MAN2A1: variants seen among roughly 807,000 people sequenced by gnomAD.
The protein encoded by MAN2A1 is alpha-mannosidase 2.
Under a neutral mutation model 142.6 loss-of-function variants are expected in MAN2A1, and 76 were observed. That is an observed-to-expected ratio of 0.53 (90% CI 0.44 to 0.65). The LOEUF (loss-of-function observed/expected upper bound fraction) is 0.65, where lower values mean the gene tolerates loss of function less well. Among genes scored for constraint, MAN2A1 ranks in the 30% least tolerant of loss-of-function variants. The pLI, the probability that MAN2A1 is intolerant of heterozygous loss-of-function variation, is 0.00. For synonymous variants in MAN2A1, 559 were observed against 473.2 expected (o/e 1.18, Z -2.35); for missense variants, 1,311 against 1,365.1 (o/e 0.96, Z 0.62).
At chr5:109,727,431 T>G (rs1751776619) in intron 3 of MAN2A1, among the ~76,000 whole-genome samples, 1 of 152,170 alleles carries the variant, frequency 6.6e-6, no homozygotes, top group Non-Finnish European at 1.5e-5. Context: ...TGACCTCATT[T>G]TACCTTAATT....
At chr5:109,735,655 G>C (rs1329372797) in intron 4 of MAN2A1, among the ~76,000 whole-genome samples, 1 of 152,084 alleles carries the variant, frequency 6.6e-6, no homozygotes, top group Non-Finnish European at 1.5e-5. Context: ...GACCGGAGCT[G>C]TTCCTATTTG....
At chr5:109,836,891 A>G (rs1755070678) in intron 16 of MAN2A1, among the ~76,000 whole-genome samples, 1 of 152,056 alleles carries the variant, frequency 6.6e-6, no homozygotes, top group Non-Finnish European at 1.5e-5. Flanking sequence ...AGAAAAGTAT[A>G]GTATTGTGTT....
intron 20 of MAN2A1, among the ~76,000 whole-genome samples, chr5:109,858,212 A>G (rs1413509400): frequency 6.6e-6 from 1 of 152,218 alleles, no homozygotes; most frequent in South Asian, 2.1e-4. Context: ...TTATCATATC[A>G]GTTGGTGCCA....
At chr5:109,766,496 C>T (rs1361936765) in intron 5 of MAN2A1, among the ~76,000 whole-genome samples, 1 of 152,128 alleles carries the variant, frequency 6.6e-6, no homozygotes, top group Non-Finnish European at 1.5e-5. Flanking sequence ...TTGTCCTTTA[C>T]TGGCTCCCCA....
intron 9 of MAN2A1, among the ~76,000 whole-genome samples, chr5:109,781,971 A>G (rs1448887430): frequency 2.0e-5 from 3 of 152,174 alleles, no homozygotes; most frequent in South Asian, 2.1e-4. Flanking sequence ...CATTGGAAAC[A>G]TAGGTGAGCA....
intron 10 of MAN2A1, among the ~76,000 whole-genome samples, chr5:109,786,736 C>G (rs943846979): frequency 6.6e-6 from 1 of 152,028 alleles, no homozygotes; most frequent in African/African-American, 2.4e-5. Context: ...TTCTCTTGAA[C>G]TTGGACTGAT....
chr5:109,798,058 TAAA>T (rs1470418997), intron 12 of MAN2A1, among the ~76,000 whole-genome samples: 1 of 151,940 alleles, frequency 6.6e-6, no homozygotes, highest in African/African-American at 2.4e-5. Context: ...AATGAAGAAT[TAAA>T]AAGGCATTGG....
intron 4 of MAN2A1, among the ~76,000 whole-genome samples, chr5:109,734,844 T>G (rs1317795334): frequency 6.6e-6 from 1 of 152,196 alleles, no homozygotes; most frequent in Non-Finnish European, 1.5e-5. Context: ...AAATGTATAT[T>G]CTGTTGATTT....
chr5:109,855,065 C>A, intron 19 of MAN2A1, 75 bp from the exon 20 acceptor site: 2 of 677,622 alleles, frequency 3.0e-6, no homozygotes, highest in Admixed American at 3.5e-5. Context: ...ATATTAAACC[C>A]TCTCAGATAA....
intron 15 of MAN2A1, among the ~76,000 whole-genome samples, chr5:109,821,845 TTTG>T (rs1483548060): frequency 6.6e-6 from 1 of 152,072 alleles, no homozygotes; most frequent in African/African-American, 2.4e-5. Context: ...TGTCATTTAG[TTTG>T]TTAATTATTT....
At chr5:109,852,553 TGGAA>T (rs1755511159) in intron 19 of MAN2A1, among the ~76,000 whole-genome samples, 1 of 152,152 alleles carries the variant, frequency 6.6e-6, no homozygotes, top group Non-Finnish European at 1.5e-5. Context: ...GACTAAGGGC[TGGAA>T]CCCAGTGAGG....
chr5:109,702,440 G>A (rs1011883821), intron 1 of MAN2A1, among the ~76,000 whole-genome samples: 1 of 151,874 alleles, frequency 6.6e-6, no homozygotes, highest in African/African-American at 2.4e-5. Context: ...CCAAATAGGG[G>A]GCTGAAGTTT....
intron 4 of MAN2A1, among the ~76,000 whole-genome samples, chr5:109,752,769 A>G (rs886285994): frequency 6.6e-6 from 1 of 152,216 alleles, no homozygotes; most frequent in East Asian, 1.9e-4. Flanking sequence ...CCTCAAAATT[A>G]ATAGACAGAA....
intron 16 of MAN2A1, among the ~76,000 whole-genome samples, chr5:109,838,607 C>G (rs764120712): frequency 6.6e-6 from 1 of 152,166 alleles, no homozygotes; most frequent in Non-Finnish European, 1.5e-5. Flanking sequence ...TCCTTTCACT[C>G]TTTCACATAT....
rs142572330 is a variant in MAN2A1 at position 109,792,822 on chromosome 5, G to A, written c.1943+3295G>A. Among the ~76,000 whole-genome samples, 337 of 152,102 alleles carry A rather than the reference G, an allele frequency of 2.2e-3. 3 individuals carry two copies. Among genetic ancestry groups the A allele is most frequent in the African/African-American group, 7.6e-3 (314 of 41,494 alleles). ...GTTCAGTTGGAGCTGTTAGCTGCCAGTACTTACACATGGCCTCTCCATATG... is the reference window on the plus strand; with the variant it reads ...GTTCAGTTGGAGCTGTTAGCTGCCAATACTTACACATGGCCTCTCCATATG... On this transcript the variant is annotated intron_variant, in intron 12 of 21. Coordinates refer to ENST00000261483, the MANE Select transcript of MAN2A1 (RefSeq NM_002372.4).
chr5:109,762,928 A>C (rs555082349), intron 5 of MAN2A1, among the ~76,000 whole-genome samples: 12 of 152,232 alleles, frequency 7.9e-5, no homozygotes, highest in Non-Finnish European at 1.3e-4. Context: ...CTGATGAGCA[A>C]AGCAGAGAAG....
At chr5:109,700,502 A>G (rs1277237120) in intron 1 of MAN2A1, among the ~76,000 whole-genome samples, 3 of 152,130 alleles carry the variant, frequency 2.0e-5, no homozygotes, top group African/African-American at 4.8e-5. Flanking sequence ...TGGTGGTAAC[A>G]TTTTACCTGT....
At chr5:109,815,350 T>C (rs568446483) in intron 12 of MAN2A1, among the ~76,000 whole-genome samples, 1 of 152,340 alleles carries the variant, frequency 6.6e-6, no homozygotes, top group Admixed American at 6.5e-5. Context: ...GAATTGCTTC[T>C]GTGCGTAAAA....
rs1271284198 is a variant in MAN2A1 at position 109,754,351 on chromosome 5, G to T, written c.708-978G>T. On this transcript the variant is annotated intron_variant, in intron 4 of 21. Transcript: ENST00000261483. ...ATTAGGGATCTTGTTACCTGGTATG[G>T]TATTATGGCAAAGGAATACCCAATA... Among the ~76,000 whole-genome samples, 5 of 152,080 alleles carry T rather than the reference G, an allele frequency of 3.3e-5. No individual in the cohort carries two copies. In the South Asian group the frequency reaches 1.0e-3, roughly 32 times the overall value.
Sources: gnomAD v4.1 joint callset for allele counts (sites outside exome capture counted in the v4.1 genomes callset) on GRCh38, gnomAD v4.1.1 for gene constraint, MANE v1.5 for transcripts, NCBI Gene and HGNC (gene_info 2026-07-23, HGNC 2026-07-21) for gene names.